The following MALRD1 variants were observed in gnomAD, a reference collection of about 807,000 sequenced individuals.
MALRD1 encodes MAM and LDL receptor class A domain containing 1.
A neutral mutation model predicts 242.1 loss-of-function variants in MALRD1; 247 were observed. The observed-to-expected ratio is 1.02, with a 90% CI of 0.92 to 1.13. The LOEUF (loss-of-function observed/expected upper bound fraction) is 1.13. Among genes scored for constraint, MALRD1 ranks in the 50% most tolerant of loss-of-function variants. The pLI is 0.00. For synonymous variants in MALRD1, 995 were observed against 866.6 expected (o/e 1.15, Z -2.60); for missense variants, 2,989 against 2,533.1 (o/e 1.18, Z -3.86).
At chr10:19,719,221 TAC>T (rs1491423253) in intron 38 of MALRD1, among the ~76,000 whole-genome samples, 4 of 68,842 alleles carry the variant, frequency 5.8e-5, no homozygotes, top group African/African-American at 2.6e-4. Flanking sequence ...TACACATACA[TAC>T]ATATATATAT....
chr10:19,457,526 G>T (rs138146472), intron 29 of MALRD1, among the ~76,000 whole-genome samples: 1 of 151,922 alleles, frequency 6.6e-6, no homozygotes, highest in African/African-American at 2.4e-5. Flanking sequence ...GGCAAAGCCC[G>T]CCCTGGGTTT....
chr10:19,054,789 T>G (rs1834612329), intron 1 of MALRD1, among the ~76,000 whole-genome samples: 1 of 152,190 alleles, frequency 6.6e-6, no homozygotes, highest in African/African-American at 2.4e-5. Flanking sequence ...CACATTTTCT[T>G]TATGTATCCA....
intron 28 of MALRD1, among the ~76,000 whole-genome samples, chr10:19,442,108 G>C (rs1280391209): frequency 6.6e-6 from 1 of 152,134 alleles, no homozygotes; most frequent in African/African-American, 2.4e-5. Flanking sequence ...GTGAATGGGA[G>C]TTCACTCATG....
At position 19,192,479 on chromosome 10, in the gene MALRD1, A is replaced by G. The variant is rs1018933801; in HGVS notation, c.1952-11249A>G. On this transcript the variant is annotated intron_variant, in intron 14 of 39. Transcript: ENST00000454679. ...TGACAGGTGGGCTTAAGGAGATGAA[A>G]GAAATCCTCAGCAGACAGGCAGCAA... Among the ~76,000 whole-genome samples, 44 of 152,324 alleles carry G rather than the reference A, an allele frequency of 2.9e-4. 1 individual carries two copies. Among genetic ancestry groups the G allele is most frequent in the African/African-American group, 1.0e-3 (43 of 41,582 alleles).
chr10:19,101,531 T>C (rs1402976810), intron 4 of MALRD1, among the ~76,000 whole-genome samples: 1 of 136,616 alleles, frequency 7.3e-6, no homozygotes, highest in Non-Finnish European at 1.5e-5. Flanking sequence ...ATATATAATA[T>C]TGATATTATA....
chr10:19,072,828 A>T (rs1176888452), intron 2 of MALRD1, among the ~76,000 whole-genome samples: 9 of 152,164 alleles, frequency 5.9e-5, no homozygotes, highest in Admixed American at 5.2e-4. Context: ...TTTAAAATAA[A>T]TACTTTTAGT....
intron 36 of MALRD1, among the ~76,000 whole-genome samples, chr10:19,674,502 A>G (rs10508592): frequency 0.022 from 3,398 of 152,254 alleles, 142 homozygotes; most frequent in African/African-American, 0.078. Context: ...AGTTGGTAGA[A>G]ATTCCTTCCT....
chr10:19,509,942 A>AGGACCCG (rs3045378), intron 31 of MALRD1, among the ~76,000 whole-genome samples: 14,702 of 152,126 alleles, frequency 0.097, 734 homozygotes, highest in South Asian at 0.11. Flanking sequence ...CTCAGCATAC[A>AGGACCCG]GAGGATCCGC....
chr10:19,321,973 TA>T (rs1034022599), intron 21 of MALRD1, among the ~76,000 whole-genome samples: 7 of 152,146 alleles, frequency 4.6e-5, no homozygotes, highest in Non-Finnish European at 8.8e-5. Flanking sequence ...CAAGAGGTAG[TA>T]AAAATTTAAT....
rs1054529431 is a variant in MALRD1, at chr10:19,136,464, T to A, written c.1204-110T>A. The stretch of plus-strand genomic sequence containing the variant: ...GAACTTTGTTATATATTGCCTTGGT[T>A]GCTTTAAACACTTTTTCTCAATAAC... On this transcript the variant is annotated intron_variant, in intron 9 of 39. Coordinates refer to ENST00000454679, the MANE Select transcript of MALRD1 (RefSeq NM_001142308.3). The A allele has an allele frequency of 1.1e-5, 6 of 548,154 alleles. No individual in the cohort carries two copies. The African/African-American group carries it at 1.2e-4, about 11-fold the overall frequency. 34.0% of individuals were successfully genotyped at this position (548,154 alleles called of 1,614,324 possible). A position where few individuals can be genotyped will look rare whatever the true frequency, so the allele number is the denominator to read the frequency against.
In MALRD1 at chr10:19,562,341, ATAGT is replaced by A. The variant is rs998477273; in HGVS notation, c.5479-5157_5479-5154del. Among the ~76,000 whole-genome samples the A allele has an allele frequency of 3.4e-3, 467 of 135,802 alleles. 1 individual carries two copies. Among genetic ancestry groups the A allele is most frequent in the South Asian group, 0.017 (67 of 4,028 alleles). 89.1% of individuals were successfully genotyped at this position (135,802 alleles called of 152,430 possible). A position where few individuals can be genotyped will look rare whatever the true frequency, so the allele number is the denominator to read the frequency against. Reference sequence around the variant, plus strand: ...GATAGATAGATAGATAGATAGATAGATAGTTAGATAGATAGATATCTAGATAGAT... The same window carrying A: ...GATAGATAGATAGATAGATAGATAGATAGATAGATAGATATCTAGATAGAT... On this transcript the variant is annotated intron_variant, in intron 32 of 39. Transcript: ENST00000454679.
chr10:19,390,782 T>C (rs1048904351), intron 28 of MALRD1, among the ~76,000 whole-genome samples: 1 of 152,192 alleles, frequency 6.6e-6, no homozygotes, highest in Admixed American at 6.5e-5. Context: ...CTGCAGAGTC[T>C]ATGTTTTATT....
At chr10:19,587,104 C>T (rs566076624) in intron 33 of MALRD1, among the ~76,000 whole-genome samples, 2 of 152,312 alleles carry the variant, frequency 1.3e-5, no homozygotes, top group South Asian at 2.1e-4. Context: ...GTGCATGCAC[C>T]CACTGACCTG....
At chr10:19,163,033 A>AAGGCTGAGTTGGGAGAATT (rs1370401733) in intron 12 of MALRD1, among the ~76,000 whole-genome samples, 138 of 147,212 alleles carry the variant, frequency 9.4e-4, no homozygotes, top group African/African-American at 3.1e-3. Context: ...AATTACTGAG[A>AAGGCTGAGTTGGGAGAATT]AGGCTGAGTT....
At chr10:19,142,171 CAAAAAAAAAAA>C (rs529000033) in intron 10 of MALRD1, among the ~76,000 whole-genome samples, 8 of 26,268 alleles carry the variant, frequency 3.0e-4, no homozygotes, top group African/African-American at 8.5e-4. Flanking sequence ...GACTCTAACT[CAAAAAAAAAAA>C]AAAAAAAAAA....
At chr10:19,376,422 G>T (rs560267942) in intron 26 of MALRD1, among the ~76,000 whole-genome samples, 2 of 152,022 alleles carry the variant, frequency 1.3e-5, no homozygotes, top group East Asian at 3.9e-4. Context: ...GGAGGGGGAG[G>T]TCTCCAGACA....
chr10:19,132,145 C>CAGTT (rs147249468), intron 8 of MALRD1, among the ~76,000 whole-genome samples: 9,281 of 152,224 alleles, frequency 0.061, 310 homozygotes, highest in South Asian at 0.14. Context: ...AGAGGGGAAT[C>CAGTT]AGTCACTGTG....
intron 12 of MALRD1, among the ~76,000 whole-genome samples, chr10:19,157,764 T>C (rs1302929576): frequency 6.6e-6 from 1 of 152,166 alleles, no homozygotes; most frequent in South Asian, 2.1e-4. Context: ...TCTGAAATTA[T>C]ATGGTTTTTT....
At chr10:19,143,334 TATG>T (rs1297762906) in intron 10 of MALRD1, among the ~76,000 whole-genome samples, 7 of 152,208 alleles carry the variant, frequency 4.6e-5, no homozygotes, top group Non-Finnish European at 8.8e-5. Flanking sequence ...GCATCAGTCA[TATG>T]GTACTTTCCA....
Sources: gnomAD v4.1 joint callset for allele counts (sites outside exome capture counted in the v4.1 genomes callset) on GRCh38, gnomAD v4.1.1 for gene constraint, MANE v1.5 for transcripts, NCBI Gene and HGNC (gene_info 2026-07-23, HGNC 2026-07-21) for gene names.